Variants in PCDHGA4 observed in about 807,000 individuals in gnomAD.
The protein encoded by PCDHGA4 is protocadherin gamma subfamily A, 4.
In PCDHGA4, 38 loss-of-function variants were observed where a neutral mutation model predicts 54.6. The ratio of observed to expected loss-of-function variants is 0.70; its 90% CI spans 0.54 to 0.91. The LOEUF (loss-of-function observed/expected upper bound fraction) is 0.91, where lower values mean the gene tolerates loss of function less well. PCDHGA4 is among the 40% of genes least tolerant of loss of function. The pLI is 0.00. For missense variants in PCDHGA4, 1,298 were observed against 1,220.9 expected, an observed-to-expected ratio of 1.06 and a Z score of -0.94; for synonymous variants, 511 against 512.9, an observed-to-expected ratio of 1.00 and a Z score of 0.05.
intron 1 of PCDHGA4, among the ~76,000 whole-genome samples, chr5:141,401,612 C>A (rs1190962219): frequency 6.6e-6 from 1 of 152,146 alleles, no homozygotes; most frequent in Non-Finnish European, 1.5e-5. Context: ...AAAAAGACAC[C>A]GGATTTGTCT....
chr5:141,487,919 A>G lies in PCDHGA4; in HGVS notation c.2515-6888A>G, dbSNP rs548678238. ...ATGGAATGTGGGAGCACAGGAGGCTACAGTGCACAGGGTACAGTGCACCAG... is the reference window on the plus strand; with the variant it reads ...ATGGAATGTGGGAGCACAGGAGGCTGCAGTGCACAGGGTACAGTGCACCAG... On this transcript the variant is annotated intron_variant, in intron 1 of 3. Transcript: ENST00000571252. The surrounding 1 kb of genome is among the most constrained non-coding windows in gnomAD (Gnocchi z 5.0). 23 of 644,878 alleles carry G rather than the reference A, an allele frequency of 3.6e-5. No individual in the cohort carries two copies. Among genetic ancestry groups the G allele is most frequent in the Non-Finnish European group, 5.6e-5 (21 of 374,374 alleles). 39.9% of individuals were successfully genotyped at this position (644,878 alleles called of 1,614,324 possible). A position where few individuals can be genotyped will look rare whatever the true frequency, so the allele number is the denominator to read the frequency against.
chr5:141,487,889 T>C lies in PCDHGA4; in HGVS notation c.2515-6918T>C, dbSNP rs984668596. On this transcript the variant is annotated intron_variant, in intron 1 of 3. Transcript: ENST00000571252. The surrounding 1 kb of genome is among the most constrained non-coding windows in gnomAD (Gnocchi z 5.0). ...CAAGAGCCAGGCTGTTGTGGAAGCA[T>C]GATGATGGAATGTGGGAGCACAGGA... 6.7e-6 allele frequency: 5 copies of C among 747,180 alleles called. No homozygotes were observed. The highest frequency in any genetic ancestry group is 1.1e-5 in the Non-Finnish European group (5 of 464,054). The allele number at this position is 747,180 out of a possible 1,614,324, so 46.3% of individuals were successfully genotyped here. A position where few individuals can be genotyped will look rare whatever the true frequency, so the allele number is the denominator to read the frequency against.
intron 1 of PCDHGA4, chr5:141,419,412 G>A (rs770138290): frequency 1.9e-6 from 3 of 1,613,446 alleles, no homozygotes; most frequent in South Asian, 2.2e-5. Context: ...TTCGCGCAGC[G>A]CGCCTTCGAC....
chr5:141,458,512 T>TG (rs2098947554), intron 1 of PCDHGA4, among the ~76,000 whole-genome samples: 2 of 150,084 alleles, frequency 1.3e-5, no homozygotes, highest in African/African-American at 5.0e-5. Context: ...TTTGACACTT[T>TG]GTTTTTTTTT....
chr5:141,392,802 A>G (rs2092597829), intron 1 of PCDHGA4: 7 of 1,572,582 alleles, frequency 4.5e-6, no homozygotes, highest in Non-Finnish European at 6.0e-6. Context: ...AGGATTCTGC[A>G]GCAAAACAAC....
intron 1 of PCDHGA4, among the ~76,000 whole-genome samples, chr5:141,484,030 T>G (rs1290301073): frequency 6.6e-6 from 1 of 151,022 alleles, no homozygotes; most frequent in African/African-American, 2.4e-5. Flanking sequence ...TGAGATCAAG[T>G]CTCCAGCTCC....
intron 1 of PCDHGA4, among the ~76,000 whole-genome samples, chr5:141,494,157 G>A (rs929922206): frequency 5.9e-5 from 9 of 152,312 alleles, no homozygotes; most frequent in African/African-American, 1.7e-4. Context: ...TGTCTGGCAC[G>A]GAGTTCTAGG....
At chr5:141,481,913 CAAAA>C (rs34114744) in intron 1 of PCDHGA4, among the ~76,000 whole-genome samples, 1 of 90,848 alleles carries the variant, frequency 1.1e-5, no homozygotes, top group Non-Finnish European at 2.2e-5. Context: ...AACTCCATCT[CAAAA>C]AAAAAAAAAA....
intron 1 of PCDHGA4, chr5:141,362,146 G>A (rs1351583274): frequency 9.9e-6 from 16 of 1,613,938 alleles, no homozygotes; most frequent in Non-Finnish European, 1.4e-5. Flanking sequence ...CCTGCAAGAG[G>A]TATTGCCAGA....
intron 1 of PCDHGA4, chr5:141,423,728 T>C (rs1312071121): frequency 9.4e-6 from 10 of 1,067,510 alleles, no homozygotes; most frequent in Non-Finnish European, 1.1e-5. Context: ...AGATGTTTTT[T>C]GAGCCTGTTA....
In PCDHGA4 at chr5:141,370,028, G is replaced by A. The variant is rs549001136; in HGVS notation, c.2514+12407G>A. 2.6e-4 allele frequency among the ~76,000 whole-genome samples: 39 copies of A among 152,344 alleles called. No homozygotes were observed. In the South Asian group the frequency reaches 7.9e-3, roughly 31 times the overall value. On this transcript the variant is annotated intron_variant, in intron 1 of 3. Transcript: ENST00000571252. Reference sequence around the variant, plus strand: ...AAAGAAATAACAGACTAAAGATATAGTAAGTATATTTAATGTTTTTTAAAA... The same window carrying A: ...AAAGAAATAACAGACTAAAGATATAATAAGTATATTTAATGTTTTTTAAAA...
At chr5:141,395,542 T>TTGTTTGTTTG (rs1267535064) in intron 1 of PCDHGA4, 1 of 168,708 alleles carries the variant, frequency 5.9e-6, no homozygotes, top group African/African-American at 5.7e-5. Context: ...TTGCTATTGT[T>TTGTTTGTTTG]TGTGTGTGTG....
chr5:141,419,115 A>G (rs1159582360), intron 1 of PCDHGA4: 1 of 1,613,872 alleles, frequency 6.2e-7, no homozygotes, highest in Non-Finnish European at 8.5e-7. Flanking sequence ...CCAGAGTACA[A>G]CGTCACCATC....
chr5:141,357,111 G>C lies in PCDHGA4; in HGVS notation c.2004G>C (p.Ala668=). 6.2e-7 allele frequency: 1 copy of C among 1,613,840 alleles called. No individual in the cohort carries two copies. Among genetic ancestry groups the C allele is most frequent in the Admixed American group, 1.7e-5 (1 of 60,034 alleles). ...CACGGGCCCTGCTGGACAGAGACGC[G>C]CTCAAGCAGAGGCTTGTAGTGGTCG... ...RTARALLDRD[A]LKQRLVVVVQ... The change falls in exon 1 of 4, where the codon GCG becomes GCC. Residue 668 remains alanine, a synonymous_variant. Transcript: ENST00000571252.
At chr5:141,365,532 A>G in intron 1 of PCDHGA4, 1 of 1,613,862 alleles carries the variant, frequency 6.2e-7, no homozygotes, top group Non-Finnish European at 8.5e-7. Context: ...GTTGATAATT[A>G]CTATCACCTA....
chr5:141,497,858 C>T (rs920483410), intron 2 of PCDHGA4, among the ~76,000 whole-genome samples: 3 of 152,218 alleles, frequency 2.0e-5, no homozygotes, highest in Non-Finnish European at 2.9e-5. Flanking sequence ...TTTGATTCAG[C>T]GGCTCCAAAG....
chr5:141,365,905 G>C (rs539434078), intron 1 of PCDHGA4: 14 of 1,614,190 alleles, frequency 8.7e-6, no homozygotes, highest in Non-Finnish European at 1.1e-5. Flanking sequence ...ATGAGCAGTT[G>C]AGAGACCTAC....
intron 1 of PCDHGA4, chr5:141,394,651 A>G: frequency 6.2e-7 from 1 of 1,611,802 alleles, no homozygotes; most frequent in Admixed American, 1.7e-5. Flanking sequence ...AAGGCCAGCG[A>G]GCCGGGACTC....
At chr5:141,430,285 T>C (rs1456678142) in intron 1 of PCDHGA4, among the ~76,000 whole-genome samples, 18 of 151,710 alleles carry the variant, frequency 1.2e-4, no homozygotes, top group Admixed American at 1.2e-3. Flanking sequence ...GGAACAGTAA[T>C]CTCAAAGCAG....
Sources: allele counts gnomAD v4.1 joint callset (sites outside exome capture counted in the v4.1 genomes callset), GRCh38; gene constraint gnomAD v4.1.1; non-coding constraint Gnocchi (gnomAD v3.1); transcripts MANE v1.5; gene names NCBI Gene and HGNC (gene_info 2026-07-23, HGNC 2026-07-21).